Variants in ACSM3 observed in about 807,000 individuals in gnomAD.
ACSM3 encodes the protein acyl-coenzyme A synthetase ACSM3, mitochondrial.
In ACSM3, 61 loss-of-function variants were observed where a neutral mutation model predicts 74.1. That is an observed-to-expected ratio of 0.82 (90% CI 0.67 to 1.02). The LOEUF (loss-of-function observed/expected upper bound fraction) is 1.02, where lower values mean the gene tolerates loss of function less well. Ranked by LOEUF, ACSM3 falls within the 50% of genes least tolerant of loss-of-function variation. ACSM3 has a pLI of 0.00. For missense variants in ACSM3, 660 were observed against 697.0 expected (o/e 0.95, Z 0.60); for synonymous variants, 213 against 241.5 (o/e 0.88, Z 1.09).
chr16:20,724,715 A>G (rs1221358207), intron 1 of ACSM3, among the ~76,000 whole-genome samples: 1 of 152,190 alleles, frequency 6.6e-6, no homozygotes, highest in East Asian at 1.9e-4. Flanking sequence ...CAAAAATCAC[A>G]AGCATTCTTA....
intron 1 of ACSM3, among the ~76,000 whole-genome samples, chr16:20,675,156 A>G (rs1183615927): frequency 4.6e-5 from 7 of 152,082 alleles, no homozygotes; most frequent in Admixed American, 4.6e-4. Flanking sequence ...GTCCTGGGGT[A>G]GAAGTGGTGT....
chr16:20,790,977 A>G lies in ACSM3; in HGVS notation c.1326+289A>G. 2.5e-6 allele frequency: 4 copies of G among 1,584,800 alleles called. No homozygotes were observed. The highest frequency in any genetic ancestry group is 3.4e-6 in the Non-Finnish European group (4 of 1,163,164). Reference sequence around the variant, plus strand: ...TTAACATCCCCTGATCCTCTCAATTATCAAACAAAACCCACTCATTTTCCT... The same window carrying G: ...TTAACATCCCCTGATCCTCTCAATTGTCAAACAAAACCCACTCATTTTCCT... On this transcript the variant is annotated intron_variant, in intron 10 of 13. Coordinates refer to ENST00000289416, the MANE Select transcript of ACSM3 (RefSeq NM_005622.4). The surrounding 1 kb of genome is among the most constrained non-coding windows in gnomAD (Gnocchi z 4.0).
chr16:20,677,027 G>A (rs1296153754), intron 1 of ACSM3, among the ~76,000 whole-genome samples: 1 of 151,886 alleles, frequency 6.6e-6, no homozygotes, highest in Admixed American at 6.6e-5. Flanking sequence ...GAGGAAAGAT[G>A]GCTTAGTAGT....
At chr16:20,785,999 T>G (rs1479418930) in intron 8 of ACSM3, 79 bp from the exon 9 acceptor site, 46 of 958,068 alleles carry the variant, frequency 4.8e-5, no homozygotes, top group Non-Finnish European at 6.8e-5. Flanking sequence ...AATAAATAAT[T>G]TGTTGAATGA....
At chr16:20,698,157 G>T (rs893175934) in intron 1 of ACSM3, among the ~76,000 whole-genome samples, 3 of 147,312 alleles carry the variant, frequency 2.0e-5, no homozygotes, top group African/African-American at 7.6e-5. Flanking sequence ...TCATGCCACT[G>T]CACTCCAGCC....
At chr16:20,779,573 G>A (rs1237217536) in intron 4 of ACSM3, among the ~76,000 whole-genome samples, 1 of 152,082 alleles carries the variant, frequency 6.6e-6, no homozygotes, top group Non-Finnish European at 1.5e-5. Flanking sequence ...ATATGTATGT[G>A]TGCAGCTGCC....
At chr16:20,736,631 A>G in intron 1 of ACSM3, 1 of 437,128 alleles carries the variant, frequency 2.3e-6, no homozygotes, top group South Asian at 4.0e-5. Flanking sequence ...GGAGAGGCCA[A>G]CATCCCCCTC....
chr16:20,792,416 A>G, intron 12 of ACSM3, 81 bp downstream of exon 12: 2 of 1,578,502 alleles, frequency 1.3e-6, no homozygotes, highest in East Asian at 4.5e-5. Context: ...AGTGAAACAG[A>G]ATTAACCAAA....
At position 20,790,806 on chromosome 16, in the gene ACSM3, T is replaced by C. The variant is rs1470500218; in HGVS notation, c.1326+118T>C. 1 of 1,613,404 alleles carries C rather than the reference T, an allele frequency of 6.2e-7. No homozygotes were observed. Among genetic ancestry groups the C allele is most frequent in the Non-Finnish European group, 8.5e-7 (1 of 1,179,656 alleles). Reference sequence around the variant, plus strand: ...ACTTGACCCTTTCTTGAGAGATTGGTTGTCCTGAATAGTAATCCAAAAGAC... The same window carrying C: ...ACTTGACCCTTTCTTGAGAGATTGGCTGTCCTGAATAGTAATCCAAAAGAC... On this transcript the variant is annotated intron_variant, in intron 10 of 13. Transcript: ENST00000289416. This position sits in a 1 kb window ranked among gnomAD's most constrained non-coding sequence, Gnocchi z 4.0.
intron 1 of ACSM3, chr16:20,729,589 T>A: frequency 2.9e-6 from 1 of 345,226 alleles, no homozygotes; most frequent in South Asian, 3.4e-5. Context: ...AGCAACTTTA[T>A]ATTTTTGAGT....
Position 20,789,554 on chromosome 16 carries a change from A to G in ACSM3, c.1225-1033A>G. On this transcript the variant is annotated intron_variant, in intron 9 of 13. Transcript: ENST00000289416. ...TCTGAAGTAAGGTTCTGTAGGTTCC[A>G]CAGCTAAACAAAGTTTGAAAACCAG... 3 of 1,610,178 alleles carry G rather than the reference A, an allele frequency of 1.9e-6. No individual in the cohort carries two copies. In the East Asian group the frequency reaches 6.7e-5, roughly 36 times the overall value.
At chr16:20,678,433 AC>A (rs1246537940) in intron 1 of ACSM3, among the ~76,000 whole-genome samples, 1 of 152,050 alleles carries the variant, frequency 6.6e-6, no homozygotes, top group Non-Finnish European at 1.5e-5. Flanking sequence ...GGCTTACTCC[AC>A]CCCCAGGAGT....
intron 1 of ACSM3, chr16:20,735,579 T>C (rs1189365213): frequency 6.6e-6 from 1 of 151,952 alleles, no homozygotes; most frequent in Non-Finnish European, 1.5e-5. Flanking sequence ...CAACCACTGA[T>C]GGGGCACCAG....
intron 1 of ACSM3, among the ~76,000 whole-genome samples, chr16:20,697,036 G>A (rs2079693471): frequency 6.6e-6 from 1 of 152,090 alleles, no homozygotes; most frequent in African/African-American, 2.4e-5. Flanking sequence ...AAATGTTGAG[G>A]TACCTTTTAA....
At chr16:20,724,064 G>A (rs71374831) in intron 1 of ACSM3, among the ~76,000 whole-genome samples, 19,800 of 152,136 alleles carry the variant, frequency 0.13, 1,362 homozygotes, top group East Asian at 0.21. Flanking sequence ...TGTATAAGGT[G>A]TAAGGAAGGG....
At chr16:20,704,904 A>G (rs1417855786) in intron 1 of ACSM3, among the ~76,000 whole-genome samples, 1 of 152,218 alleles carries the variant, frequency 6.6e-6, no homozygotes, top group Middle Eastern at 3.2e-3. Flanking sequence ...CATGCTCACA[A>G]TGAGTATTGG....
chr16:20,728,586 A>T (rs1195783492), intron 1 of ACSM3: 1 of 456,268 alleles, frequency 2.2e-6, no homozygotes, highest in Non-Finnish European at 3.9e-6. Flanking sequence ...GCAAGCAACA[A>T]AATCTATTTC....
At chr16:20,711,775 TG>T (rs1308563398) in intron 1 of ACSM3, 3 of 366,014 alleles carry the variant, frequency 8.2e-6, no homozygotes, top group Non-Finnish European at 1.6e-5. Flanking sequence ...TCAGGAACAC[TG>T]TGAGTTGATC....
intron 1 of ACSM3, among the ~76,000 whole-genome samples, chr16:20,692,057 T>G (rs1272930826): frequency 6.6e-6 from 1 of 152,100 alleles, no homozygotes; most frequent in Non-Finnish European, 1.5e-5. Flanking sequence ...GCCAAAAGAT[T>G]CTCCTTTGCC....
Sources: allele counts gnomAD v4.1 joint callset (sites outside exome capture counted in the v4.1 genomes callset), GRCh38; gene constraint gnomAD v4.1.1; non-coding constraint Gnocchi (gnomAD v3.1); transcripts MANE v1.5; gene names NCBI Gene and HGNC (gene_info 2026-07-23, HGNC 2026-07-21).